BTBD8: variants seen among roughly 807,000 people sequenced by gnomAD.
BTBD8 encodes the protein BTB/POZ domain-containing protein 8.
Under a neutral mutation model 162.9 loss-of-function variants are expected in BTBD8, and 110 were observed. The observed-to-expected ratio is 0.68, with a 90% CI of 0.58 to 0.79. BTBD8 has a LOEUF of 0.79. BTBD8 is among the 30% of genes least tolerant of loss of function. The pLI is 0.00. For missense variants in BTBD8, 1,905 were observed against 2,085.4 expected (o/e 0.91, Z 1.68); for synonymous variants, 667 against 716.1 (o/e 0.93, Z 1.10).
intron 6 of BTBD8, 24 bp downstream of exon 6, chr1:92,139,454 T>C: frequency 6.3e-7 from 1 of 1,591,730 alleles, no homozygotes; most frequent in Non-Finnish European, 8.5e-7. Flanking sequence ...TTTAATAATT[T>C]AAAATATAAA....
intron 4 of BTBD8, among the ~76,000 whole-genome samples, chr1:92,120,349 G>A (rs528274025): frequency 6.6e-6 from 1 of 152,228 alleles, no homozygotes; most frequent in African/African-American, 2.4e-5. Context: ...GAAGGTCTTC[G>A]GGGCAGTAAC....
At chr1:92,084,757 A>G (rs1225849906) in intron 1 of BTBD8, among the ~76,000 whole-genome samples, 1 of 152,070 alleles carries the variant, frequency 6.6e-6, no homozygotes, top group Non-Finnish European at 1.5e-5. Context: ...TGCCTTCCCT[A>G]CTGAGGTTAA....
At position 92,141,095 on chromosome 1, in the gene BTBD8, T is replaced by G. The variant is rs565396333; in HGVS notation, c.834-20T>G. The G allele has an allele frequency of 7.2e-6, 11 of 1,528,876 alleles. 1 individual carries two copies. In the South Asian group the frequency reaches 1.4e-4, roughly 19 times the overall value. 94.7% of individuals were successfully genotyped at this position (1,528,876 alleles called of 1,614,324 possible). A position where few individuals can be genotyped will look rare whatever the true frequency, so the allele number is the denominator to read the frequency against. ...GATTTTTAAATTGGAGAATTAACAG[T>G]GCATCTATTTTTATTTTAGTCAGAT... On this transcript the variant is annotated intron_variant, in intron 6 of 17. Coordinates refer to ENST00000636805, the MANE Select transcript of BTBD8 (RefSeq NM_001376131.1).
chr1:92,129,015 G>GA (rs1649438530), intron 4 of BTBD8, among the ~76,000 whole-genome samples: 1 of 151,988 alleles, frequency 6.6e-6, no homozygotes, highest in Non-Finnish European at 1.5e-5. Flanking sequence ...GTATGAGATA[G>GA]AAGGCCACCT....
At chr1:92,157,247 A>G (rs1002051429) in intron 9 of BTBD8, among the ~76,000 whole-genome samples, 6 of 151,978 alleles carry the variant, frequency 3.9e-5, no homozygotes, top group African/African-American at 1.2e-4. Flanking sequence ...GTTGATTTCT[A>G]CTTTTATTCC....
At chr1:92,123,518 T>G (rs974171502) in intron 4 of BTBD8, among the ~76,000 whole-genome samples, 1 of 152,118 alleles carries the variant, frequency 6.6e-6, no homozygotes, top group Non-Finnish European at 1.5e-5. Flanking sequence ...CTAGCAGTGT[T>G]TTATGGTTTT....
intron 8 of BTBD8, 88 bp downstream of exon 8, chr1:92,147,356 C>T (rs866212756): frequency 1.7e-6 from 2 of 1,169,350 alleles, no homozygotes. Flanking sequence ...TTAGAGTTGG[C>T]CTGTTTTCTT....
At chr1:92,129,019 G>A (rs1372424375) in intron 4 of BTBD8, among the ~76,000 whole-genome samples, 1 of 151,806 alleles carries the variant, frequency 6.6e-6, no homozygotes, top group Non-Finnish European at 1.5e-5. Flanking sequence ...GAGATAGAAG[G>A]CCACCTTGTT....
chr1:92,114,040 G>A (rs1648973848), intron 4 of BTBD8, among the ~76,000 whole-genome samples: 1 of 151,232 alleles, frequency 6.6e-6, no homozygotes, highest in Non-Finnish European at 1.5e-5. Context: ...AGATTAGAGG[G>A]GTATATTCTC....
chr1:92,106,123 C>T (rs1648717936), intron 3 of BTBD8, among the ~76,000 whole-genome samples: 1 of 152,186 alleles, frequency 6.6e-6, no homozygotes, highest in African/African-American at 2.4e-5. Flanking sequence ...TTGACCAAAA[C>T]CTTGGGCATT....
chr1:92,149,145 G>A (rs1299426424), intron 9 of BTBD8, among the ~76,000 whole-genome samples: 1 of 152,200 alleles, frequency 6.6e-6, no homozygotes, highest in Non-Finnish European at 1.5e-5. Context: ...GAACACTGCA[G>A]TAGTTCTGAT....
At chr1:92,128,938 G>C (rs1649436413) in intron 4 of BTBD8, among the ~76,000 whole-genome samples, 1 of 151,308 alleles carries the variant, frequency 6.6e-6, no homozygotes, top group African/African-American at 2.4e-5. Flanking sequence ...TCATTGATTT[G>C]AAAAGGTTTT....
intron 13 of BTBD8, among the ~76,000 whole-genome samples, chr1:92,175,496 A>AAAAAAAAAAAAAAAC (rs1650687582): frequency 6.7e-6 from 1 of 148,682 alleles, no homozygotes. Context: ...AAAAAAAAAA[A>AAAAAAAAAAAAAAAC]AAAGAATGAC....
intron 7 of BTBD8, among the ~76,000 whole-genome samples, chr1:92,144,890 A>G (rs1226706760): frequency 6.6e-6 from 1 of 152,004 alleles, no homozygotes; most frequent in Non-Finnish European, 1.5e-5. Flanking sequence ...ATCTCCAGTT[A>G]TCTCAAAGGG....
intron 9 of BTBD8, among the ~76,000 whole-genome samples, chr1:92,148,393 C>A (rs1044701218): frequency 3.9e-5 from 6 of 152,126 alleles, no homozygotes; most frequent in Non-Finnish European, 8.8e-5. Flanking sequence ...AGAAATTGGG[C>A]CTTGCTCATG....
chr1:92,139,578 C>T, intron 6 of BTBD8, 148 bp downstream of exon 6: 2 of 1,290,560 alleles, frequency 1.5e-6, no homozygotes, highest in South Asian at 2.8e-5. Context: ...CATCTAAAAA[C>T]AATAAGCAAA....
chr1:92,183,456 T>A (rs1361635488), intron 17 of BTBD8, among the ~76,000 whole-genome samples: 2 of 152,160 alleles, frequency 1.3e-5, no homozygotes, highest in Non-Finnish European at 2.9e-5. Context: ...AGCCTTTAGG[T>A]GAAATGTATT....
intron 2 of BTBD8, among the ~76,000 whole-genome samples, chr1:92,097,888 A>G (rs1400457481): frequency 6.6e-6 from 1 of 152,246 alleles, no homozygotes; most frequent in African/African-American, 2.4e-5. Context: ...GGCAAAGTTC[A>G]TGAAAATCAA....
intron 16 of BTBD8, among the ~76,000 whole-genome samples, chr1:92,179,825 A>G (rs1272037131): frequency 3.3e-5 from 5 of 152,264 alleles, no homozygotes; most frequent in Admixed American, 3.3e-4. Flanking sequence ...TAACAGTTCT[A>G]TTTATTTTAT....
Sources: allele counts gnomAD v4.1 joint callset (sites outside exome capture counted in the v4.1 genomes callset), GRCh38; gene constraint gnomAD v4.1.1; transcripts MANE v1.5; gene names NCBI Gene and HGNC (gene_info 2026-07-23, HGNC 2026-07-21).